DCLK2: variants seen among roughly 807,000 people sequenced by gnomAD.
The protein encoded by DCLK2 is serine/threonine-protein kinase DCLK2.
Under a neutral mutation model 78.4 loss-of-function variants are expected in DCLK2, and 31 were observed. The ratio of observed to expected loss-of-function variants is 0.40; its 90% CI spans 0.30 to 0.53. DCLK2 has a LOEUF of 0.53. Ranked by LOEUF, DCLK2 falls within the 20% of genes least tolerant of loss-of-function variation. The pLI is 0.61. For missense variants in DCLK2, 872 were observed against 973.7 expected (o/e 0.90, Z 1.39); for synonymous variants, 407 against 374.9 (o/e 1.09, Z -0.99).
chr4:150,229,517 G>A (rs1179753083), intron 8 of DCLK2, among the ~76,000 whole-genome samples: 1 of 152,084 alleles, frequency 6.6e-6, no homozygotes, highest in African/African-American at 2.4e-5. Context: ...TTCTGCTTGG[G>A]ACAGCCAGGT....
rs1162395746 is a variant in DCLK2, at chr4:150,239,728, G to A, written c.1567-14G>A. Reference sequence around the variant, plus strand: ...AAAAAAAATCTTCTGATTGTTGGCTGATTTCTGTTTCAGGTGTGTGAATAT... The same window carrying A: ...AAAAAAAATCTTCTGATTGTTGGCTAATTTCTGTTTCAGGTGTGTGAATAT... On this transcript the variant is annotated splice_polypyrimidine_tract_variant and intron_variant, in intron 10 of 15. Transcript: ENST00000296550. The A allele has an allele frequency of 3.1e-6, 5 of 1,609,970 alleles. No individual in the cohort carries two copies. Among genetic ancestry groups the A allele is most frequent in the Admixed American group, 1.7e-5 (1 of 58,918 alleles).
intron 4 of DCLK2, among the ~76,000 whole-genome samples, chr4:150,202,816 A>T (rs573602735): frequency 6.6e-6 from 1 of 152,322 alleles, no homozygotes; most frequent in South Asian, 2.1e-4. Context: ...AGAAAAACAT[A>T]TATCAATACT....
chr4:150,103,784 T>C (rs751245804), intron 2 of DCLK2, among the ~76,000 whole-genome samples: 1 of 152,150 alleles, frequency 6.6e-6, no homozygotes, highest in Admixed American at 6.5e-5. Context: ...GCTGAAACAT[T>C]AGCAATTTTT....
At chr4:150,210,676 A>G (rs968466135) in intron 5 of DCLK2, among the ~76,000 whole-genome samples, 3 of 152,176 alleles carry the variant, frequency 2.0e-5, no homozygotes, top group African/African-American at 7.2e-5. Context: ...GGCAAGGCAC[A>G]GTCGCTCACG....
At chr4:150,094,648 A>C (rs985221367) in intron 1 of DCLK2, among the ~76,000 whole-genome samples, 2 of 152,228 alleles carry the variant, frequency 1.3e-5, no homozygotes, top group Non-Finnish European at 2.9e-5. Flanking sequence ...CTGTAACACT[A>C]TGTGCTTATT....
intron 6 of DCLK2, among the ~76,000 whole-genome samples, chr4:150,221,214 T>C (rs2126530125): frequency 6.6e-6 from 1 of 152,294 alleles, no homozygotes; most frequent in African/African-American, 2.4e-5. Flanking sequence ...TAACAAGGCA[T>C]CTATCTTATC....
At chr4:150,140,676 CT>C (rs1182653784) in intron 2 of DCLK2, among the ~76,000 whole-genome samples, 4 of 152,250 alleles carry the variant, frequency 2.6e-5, no homozygotes, top group Admixed American at 6.5e-5. Flanking sequence ...TTCCTATTTA[CT>C]TTTCACAGGA....
At chr4:150,157,582 G>A (rs983098848) in intron 2 of DCLK2, among the ~76,000 whole-genome samples, 4 of 149,434 alleles carry the variant, frequency 2.7e-5, no homozygotes, top group Non-Finnish European at 4.5e-5. Flanking sequence ...GTGTGATCTC[G>A]GCTCACTGCA....
At chr4:150,079,837 G>T (rs1457863563) in intron 1 of DCLK2, among the ~76,000 whole-genome samples, 1 of 152,114 alleles carries the variant, frequency 6.6e-6, no homozygotes, top group Non-Finnish European at 1.5e-5. Flanking sequence ...CCTGGTGCAG[G>T]CTCCTGTCAT....
In DCLK2 at chr4:150,116,883, A is replaced by C. The variant is rs575035204; in HGVS notation, c.756+14071A>C. On this transcript the variant is annotated intron_variant, in intron 2 of 15. Coordinates refer to ENST00000296550, the MANE Select transcript of DCLK2 (RefSeq NM_001040260.4). ...CTGGAGATGCTGTAATGTATTGGCT[A>C]TGTTGGTTGACTCCCAGAGTGCAAA... Among the ~76,000 whole-genome samples the C allele has an allele frequency of 4.5e-4, 69 of 152,094 alleles. 2 individuals carry two copies. Among genetic ancestry groups the C allele is most frequent in the Non-Finnish European group, 8.7e-4 (59 of 67,974 alleles).
chr4:150,092,349 G>A (rs374016072), intron 1 of DCLK2, among the ~76,000 whole-genome samples: 4 of 152,230 alleles, frequency 2.6e-5, no homozygotes, highest in African/African-American at 9.6e-5. Context: ...TAGATCATAT[G>A]AAAGTTTTAT....
Position 150,220,914 on chromosome 4 carries a change from C to G in DCLK2, c.1132+136C>G, listed in dbSNP as rs531959347. ...TCACATCACCTGTCAGCCCCTTTGG[C>G]CTTAGTAAGAGGCGGGGATGGGGGT... On this transcript the variant is annotated intron_variant, in intron 6 of 15. Coordinates refer to ENST00000296550, the MANE Select transcript of DCLK2 (RefSeq NM_001040260.4). 38 of 632,340 alleles carry G rather than the reference C, an allele frequency of 6.0e-5. No homozygotes were observed. The African/African-American group carries it at 6.7e-4, about 11-fold the overall frequency. 39.2% of individuals were successfully genotyped at this position (632,340 alleles called of 1,614,324 possible).
intron 13 of DCLK2, 151 bp downstream of exon 13, chr4:150,247,850 C>A: frequency 1.6e-6 from 1 of 640,900 alleles, no homozygotes; most frequent in South Asian, 2.2e-5. Flanking sequence ...ATGGTATGGT[C>A]TCTGAAGTTC....
intron 10 of DCLK2, among the ~76,000 whole-genome samples, chr4:150,233,043 T>A (rs892767651): frequency 6.6e-6 from 1 of 152,230 alleles, no homozygotes; most frequent in Non-Finnish European, 1.5e-5. Flanking sequence ...TATTTCTCAC[T>A]CTGCTATAAA....
chr4:150,180,161 A>T (rs1737404100), intron 2 of DCLK2, among the ~76,000 whole-genome samples: 1 of 152,196 alleles, frequency 6.6e-6, no homozygotes, highest in Non-Finnish European at 1.5e-5. Flanking sequence ...CCAAGTATAA[A>T]GAGTATGTTC....
At chr4:150,183,107 A>G (rs1207754759) in intron 2 of DCLK2, among the ~76,000 whole-genome samples, 1 of 152,212 alleles carries the variant, frequency 6.6e-6, no homozygotes, top group African/African-American at 2.4e-5. Flanking sequence ...TGTTCAAAAG[A>G]TGGACATTTC....
intron 1 of DCLK2, among the ~76,000 whole-genome samples, chr4:150,090,625 G>A (rs1192726662): frequency 2.6e-5 from 4 of 152,130 alleles, no homozygotes; most frequent in African/African-American, 9.7e-5. Context: ...TGGTTACTGG[G>A]TGGGTTTTCG....
At chr4:150,162,629 T>A (rs1047929736) in intron 2 of DCLK2, among the ~76,000 whole-genome samples, 2 of 152,038 alleles carry the variant, frequency 1.3e-5, no homozygotes, top group Non-Finnish European at 2.9e-5. Flanking sequence ...CTATTTTTTT[T>A]AATTTTTAAA....
intron 2 of DCLK2, among the ~76,000 whole-genome samples, chr4:150,182,786 T>G (rs1406898407): frequency 6.6e-6 from 1 of 152,202 alleles, no homozygotes; most frequent in African/African-American, 2.4e-5. Context: ...TAGAGTATTT[T>G]TAGTTTCAAA....
Sources: gnomAD v4.1 joint callset for allele counts (sites outside exome capture counted in the v4.1 genomes callset) on GRCh38, gnomAD v4.1.1 for gene constraint, MANE v1.5 for transcripts, NCBI Gene and HGNC (gene_info 2026-07-23, HGNC 2026-07-21) for gene names.